The following SLC17A4 variants were observed in gnomAD, a reference collection of about 807,000 sequenced individuals.
SLC17A4 encodes solute carrier family 17 member 4.
A neutral mutation model predicts 52.5 loss-of-function variants in SLC17A4; 33 were observed. The ratio of observed to expected loss-of-function variants is 0.63; its 90% confidence interval spans 0.48 to 0.84. The LOEUF (loss-of-function observed/expected upper bound fraction) is 0.84. Among genes scored for constraint, SLC17A4 ranks in the 40% least tolerant of loss-of-function variants. SLC17A4 has a pLI of 0.00. For missense variants in SLC17A4, 585 were observed against 597.1 expected (o/e 0.98, Z 0.21); for synonymous variants, 225 against 216.2 (o/e 1.04, Z -0.36).
At chr6:25,757,796 T>C (rs9358885) in intron 1 of SLC17A4, among the ~76,000 whole-genome samples, 41,165 of 152,070 alleles carry the variant, frequency 0.27, 6,750 homozygotes, top group East Asian at 0.68. Flanking sequence ...GAATCCTTTA[T>C]TGTACCCCAC....
rs1184239796 is a variant in SLC17A4 at position 25,763,475 on chromosome 6, C to T, written c.91+1422C>T. ...GTCCAACATCAGTTTTATTCTCATC[C>T]CCTTCTCTGGCTCATGCTTACTGGA... On this transcript the variant is annotated intron_variant, in intron 2 of 11. Coordinates refer to ENST00000377905, the MANE Select transcript of SLC17A4 (RefSeq NM_005495.3). 2.6e-5 allele frequency among the ~76,000 whole-genome samples: 4 copies of T among 152,246 alleles called. No individual in the cohort carries two copies. The East Asian group carries it at 7.7e-4, about 29-fold the overall frequency.
chr6:25,755,756 C>T (rs1425306109), intron 1 of SLC17A4, among the ~76,000 whole-genome samples: 1 of 152,220 alleles, frequency 6.6e-6, no homozygotes, highest in Non-Finnish European at 1.5e-5. Context: ...ATCTTCCCTT[C>T]TGGGTCTAAC....
intron 2 of SLC17A4, among the ~76,000 whole-genome samples, chr6:25,762,482 A>T (rs1381912385): frequency 1.3e-5 from 2 of 152,144 alleles, no homozygotes; most frequent in African/African-American, 4.8e-5. Context: ...CCTTTCTCTT[A>T]TCTATATTAC....
At chr6:25,775,945 T>G (rs1762877749) in intron 8 of SLC17A4, among the ~76,000 whole-genome samples, 1 of 152,238 alleles carries the variant, frequency 6.6e-6, no homozygotes, top group South Asian at 2.1e-4. Context: ...GTTTCCCATC[T>G]TTGAGCAATG....
At position 25,769,056 on chromosome 6, in the gene SLC17A4, A is replaced by G; in HGVS notation, c.163A>G (p.Met55Val). The G allele has an allele frequency of 6.2e-7, 1 of 1,614,058 alleles. No individual in the cohort carries two copies. Among genetic ancestry groups the G allele is most frequent in the Non-Finnish European group, 8.5e-7 (1 of 1,179,992 alleles). Residue 55 changes from methionine (M) to valine (V), a missense_variant, in exon 3 of 12, where the codon ATG (methionine) becomes GTG (valine). Physicochemically the swap from Met to Val is conservative, Grantham distance 21. Transcript: ENST00000377905. Reference sequence around the variant, plus strand: ...TAATTTTTCAATTTACACCCAACAAATGAACTTGAGCATTGCCATCCCAGC... The same window carrying G: ...TAATTTTTCAATTTACACCCAACAAGTGAACTTGAGCATTGCCATCCCAGC... Reference protein sequence around the residue: ...LCNFSIYTQQMNLSIAIPAMV... With the variant: ...LCNFSIYTQQVNLSIAIPAMV...
chr6:25,769,758 G>T (rs1311519744), intron 3 of SLC17A4, among the ~76,000 whole-genome samples: 2 of 151,874 alleles, frequency 1.3e-5, no homozygotes, highest in East Asian at 3.9e-4. Context: ...TCACAGATTT[G>T]TCTGCTTTTT....
intron 2 of SLC17A4, 128 bp from the exon 3 acceptor site, chr6:25,768,857 C>G: frequency 1.2e-6 from 1 of 865,892 alleles, no homozygotes; most frequent in Non-Finnish European, 1.8e-6. Flanking sequence ...TACACACCTA[C>G]AGAGGAATGT....
intron 2 of SLC17A4, among the ~76,000 whole-genome samples, chr6:25,763,325 C>T (rs910955099): frequency 2.6e-5 from 4 of 152,218 alleles, no homozygotes; most frequent in Non-Finnish European, 4.4e-5. Flanking sequence ...TTGGTAGTCT[C>T]ATCCTACCTA....
In SLC17A4 at chr6:25,770,067, G is replaced by C. The variant is rs777284176; in HGVS notation, c.298G>C (p.Ala100Pro). 1 of 1,613,140 alleles carries C rather than the reference G, an allele frequency of 6.2e-7. No homozygotes were observed. Among genetic ancestry groups the C allele is most frequent in the Non-Finnish European group, 8.5e-7 (1 of 1,179,286 alleles). ...NETLKEFKAM[A>P]PAYDWSPEIQ... ...AACAGTAACTCTCTTTGTCATCTAGGCCCCTGCATATGACTGGAGTCCTGA... is the reference window on the plus strand; with the variant it reads ...AACAGTAACTCTCTTTGTCATCTAGCCCCCTGCATATGACTGGAGTCCTGA... Residue 100 changes from alanine to proline, a missense_variant and splice_region_variant, in exon 4 of 12, where the codon GCC (alanine) becomes CCC (proline). By Grantham distance (27) the Ala-to-Pro change is conservative. Coordinates refer to ENST00000377905, the MANE Select transcript of SLC17A4 (RefSeq NM_005495.3).
In SLC17A4 at chr6:25,761,970, C is replaced by A; in HGVS notation, c.8C>A (p.Thr3Asn). The A allele has an allele frequency of 6.2e-7, 1 of 1,613,034 alleles. No homozygotes were observed. Among genetic ancestry groups the A allele is most frequent in the South Asian group, 1.1e-5 (1 of 90,984 alleles). The change falls in exon 2 of 12, where the codon ACC (threonine) becomes AAC (asparagine). Residue 3 changes from threonine (T) to asparagine (N), a missense_variant. Transcript: ENST00000377905. ...TAGGAAGAGAGAACCAAAATGTCTACCGGACCAGATGTCAAGGCTACAGTG... is the reference window on the plus strand; with the variant it reads ...TAGGAAGAGAGAACCAAAATGTCTAACGGACCAGATGTCAAGGCTACAGTG... MS[T>N]GPDVKATVGD...
chr6:25,773,126 TC>T, intron 6 of SLC17A4, 148 bp from the exon 7 acceptor site: 1 of 691,902 alleles, frequency 1.4e-6, no homozygotes, highest in South Asian at 1.8e-5. Flanking sequence ...GGAAGTACCC[TC>T]CCCCATGATA....
Position 25,769,124 on chromosome 6 carries a change from C to A in SLC17A4, c.231C>A (p.Ser77=). The A allele has an allele frequency of 6.2e-7, 1 of 1,614,054 alleles. No homozygotes were observed. The highest frequency in any genetic ancestry group is 1.1e-5 in the South Asian group (1 of 91,078). ...NTAPPSQPNA[S]TERPSTDSQG... is the part of the protein sequence containing the mutation. ...CCCCACCTAGCCAGCCCAATGCTTC[C>A]ACAGAACGGCCCTCCACTGACTCCC... The change falls in exon 3 of 12, where the codon TCC becomes TCA. Residue 77 remains serine (S), a synonymous_variant. Transcript: ENST00000377905.
At chr6:25,769,339 A>T in intron 3 of SLC17A4, 149 bp downstream of exon 3, 1 of 767,190 alleles carries the variant, frequency 1.3e-6, no homozygotes, top group Admixed American at 2.8e-5. Flanking sequence ...TATCAGGCCG[A>T]GCATGGTGGC....
At chr6:25,768,868 CTG>C in intron 2 of SLC17A4, 115 bp from the exon 3 acceptor site, 2 of 947,440 alleles carry the variant, frequency 2.1e-6, no homozygotes, top group Non-Finnish European at 3.2e-6. Context: ...AGAGGAATGT[CTG>C]CTCTCCCTAT....
intron 2 of SLC17A4, 135 bp downstream of exon 2, chr6:25,762,188 C>T (rs986113783): frequency 1.5e-6 from 1 of 677,278 alleles, no homozygotes; most frequent in Non-Finnish European, 2.5e-6. Flanking sequence ...CACCAATTGC[C>T]AATAATTCTA....
At position 25,769,047 on chromosome 6, in the gene SLC17A4, A is replaced by T; in HGVS notation, c.154A>T (p.Thr52Ser). The T allele has an allele frequency of 6.2e-7, 1 of 1,614,078 alleles. No homozygotes were observed. The highest frequency in any genetic ancestry group is 8.5e-7 in the Non-Finnish European group (1 of 1,180,006). Residue 52 changes from threonine to serine, a missense_variant, in exon 3 of 12, where the codon ACC becomes TCC. Thr to Ser is a moderately conservative substitution (Grantham distance 58, BLOSUM62 1). Coordinates refer to ENST00000377905, the MANE Select transcript of SLC17A4 (RefSeq NM_005495.3). ...ILQLCNFSIY[T>S]QQMNLSIAIP... The stretch of plus-strand genomic sequence containing the variant: ...GCAGCTCTGTAATTTTTCAATTTAC[A>T]CCCAACAAATGAACTTGAGCATTGC...
At chr6:25,773,701 T>A (rs778682930) in intron 8 of SLC17A4, 27 bp downstream of exon 8, 1 of 1,605,022 alleles carries the variant, frequency 6.2e-7, no homozygotes. Context: ...CTCATTCTGA[T>A]CTTCTGTTTA....
chr6:25,764,133 A>C (rs1451922413), intron 2 of SLC17A4, among the ~76,000 whole-genome samples: 1 of 152,164 alleles, frequency 6.6e-6, no homozygotes, highest in African/African-American at 2.4e-5. Flanking sequence ...ATCCTCACTT[A>C]TCCACCTGCA....
intron 1 of SLC17A4, 150 bp from the exon 2 acceptor site, chr6:25,761,777 T>C (rs1055553761): frequency 3.7e-6 from 2 of 539,218 alleles, no homozygotes; most frequent in African/African-American, 1.9e-5. Flanking sequence ...AATTGGTTAG[T>C]GATAGAGCCA....
Sources: allele counts gnomAD v4.1 joint callset (sites outside exome capture counted in the v4.1 genomes callset), GRCh38; gene constraint gnomAD v4.1.1; transcripts MANE v1.5; gene names NCBI Gene and HGNC (gene_info 2026-07-23, HGNC 2026-07-21).